The following CTNNA1 variants were observed in gnomAD, a reference collection of about 807,000 sequenced individuals.
CTNNA1 encodes the protein catenin alpha 1.
A neutral mutation model predicts 98.4 loss-of-function variants in CTNNA1; 37 were observed. The observed-to-expected ratio is 0.38, with a 90% CI of 0.29 to 0.49. The LOEUF (loss-of-function observed/expected upper bound fraction) is 0.49. Among genes scored for constraint, CTNNA1 ranks in the 20% least tolerant of loss-of-function variants. The probability of loss-of-function intolerance (pLI) is 0.95; values close to 1 mark genes in which losing one functional copy is unlikely to be tolerated. For missense variants in CTNNA1, 761 were observed against 1,147.2 expected (o/e 0.66, Z 4.86); for synonymous variants, 404 against 413.2 (o/e 0.98, Z 0.27).
chr5:138,868,804 A>C (rs1400195428), intron 7 of CTNNA1: 1 of 152,206 alleles, frequency 6.6e-6, no homozygotes, highest in Non-Finnish European at 1.5e-5. Flanking sequence ...TTGACATTGT[A>C]GAGGAACATG....
Position 138,824,584 on chromosome 5 carries a change from CAGA to C in CTNNA1, c.648_650del (p.Lys216del), listed in dbSNP as rs1397480575. The C allele has an allele frequency of 5.0e-6, 8 of 1,614,096 alleles. No homozygotes were observed. The Admixed American group carries it at 1.0e-4, about 20-fold the overall frequency. On this transcript the variant is annotated inframe_deletion, in exon 6 of 18. Transcript: ENST00000302763. ...GATGGCTGCAGCTAGAGGAATCCTG[CAGA>C]AGAACGTTCCGATCCTCTATACTGC...
chr5:138,802,650 C>T (rs973228343), intron 3 of CTNNA1, among the ~76,000 whole-genome samples: 4 of 152,120 alleles, frequency 2.6e-5, no homozygotes, highest in Admixed American at 6.5e-5. Flanking sequence ...TTTTACAGTC[C>T]TGTGCTACTG....
intron 13 of CTNNA1, among the ~76,000 whole-genome samples, chr5:138,927,244 C>A (rs1764264130): frequency 6.6e-6 from 1 of 152,240 alleles, no homozygotes; most frequent in Non-Finnish European, 1.5e-5. Flanking sequence ...AGCGTCTCCA[C>A]AGGCCGCCAC....
intron 7 of CTNNA1, chr5:138,872,103 T>C (rs1329921394): frequency 6.6e-6 from 1 of 151,712 alleles, no homozygotes; most frequent in Non-Finnish European, 1.5e-5. Context: ...TCAGGATTGT[T>C]AAATTGACTC....
chr5:138,782,312 G>A, intron 2 of CTNNA1: 1 of 509,234 alleles, frequency 2.0e-6, no homozygotes, highest in South Asian at 1.5e-5. Context: ...TCTTCAGAGG[G>A]GAAACCCAAG....
intron 10 of CTNNA1, among the ~76,000 whole-genome samples, chr5:138,906,384 T>C (rs1179201183): frequency 7.2e-5 from 11 of 152,260 alleles, no homozygotes; most frequent in African/African-American, 2.2e-4. Flanking sequence ...TCTTCAAGTT[T>C]GTTTGCCATT....
chr5:138,814,590 A>G (rs1208989827), intron 5 of CTNNA1, among the ~76,000 whole-genome samples: 2 of 152,212 alleles, frequency 1.3e-5, no homozygotes, highest in East Asian at 3.8e-4. Context: ...TGAAGTAAAT[A>G]TTAAGTTATA....
At chr5:138,784,425 A>T (rs1755454981) in intron 3 of CTNNA1, among the ~76,000 whole-genome samples, 1 of 152,144 alleles carries the variant, frequency 6.6e-6, no homozygotes, top group South Asian at 2.1e-4. Flanking sequence ...AGTACCCATA[A>T]ATGGGCAGTG....
Position 138,811,173 on chromosome 5 carries a change from A to G in CTNNA1, c.468+969A>G, listed in dbSNP as rs1388500190. Among the ~76,000 whole-genome samples the G allele has an allele frequency of 4.8e-5, 7 of 144,834 alleles. No individual in the cohort carries two copies. In the South Asian group the frequency reaches 1.1e-3, roughly 23 times the overall value. On this transcript the variant is annotated intron_variant, in intron 4 of 17. Transcript: ENST00000302763. ...TCACTTCTCAGATGGGGCGGTTGCC[A>G]GGCGGAGGGTCTCCTCACTTCTCAG... is the stretch of plus-strand genomic sequence containing the variant.
chr5:138,854,848 A>C (rs1763581507), intron 7 of CTNNA1, among the ~76,000 whole-genome samples: 1 of 152,206 alleles, frequency 6.6e-6, no homozygotes, highest in Admixed American at 6.5e-5. Context: ...CGGGACATAC[A>C]CTTTGAGTGA....
intron 1 of CTNNA1, among the ~76,000 whole-genome samples, chr5:138,768,318 G>C (rs1380497538): frequency 1.3e-5 from 2 of 152,066 alleles, no homozygotes; most frequent in East Asian, 3.8e-4. Context: ...AGAGTGCAGT[G>C]GTGCGATCTC....
intron 3 of CTNNA1, among the ~76,000 whole-genome samples, chr5:138,794,282 G>T (rs1392244182): frequency 6.6e-6 from 1 of 152,068 alleles, no homozygotes; most frequent in Admixed American, 6.5e-5. Context: ...CTCCCAAAGT[G>T]CTGGGATTAC....
At position 138,934,524 on chromosome 5, in the gene CTNNA1, C is replaced by G. The variant is rs894492671; in HGVS notation, c.*435C>G. The G allele has an allele frequency of 6.2e-6, 1 of 161,344 alleles. No homozygotes were observed. Among genetic ancestry groups the G allele is most frequent in the Non-Finnish European group, 1.3e-5 (1 of 74,144 alleles). The allele number at this position is 161,344 out of a possible 1,614,324, so 10.0% of individuals were successfully genotyped here. On this transcript the variant is annotated 3_prime_UTR_variant, in exon 18 of 18. Transcript: ENST00000302763. ...GACCTGTGGTAAGCAACCTGGGCAT[C>G]TTAGGAAGCAGTCCCTGGAGAAGGC...
At chr5:138,929,391 G>GAA in intron 14 of CTNNA1, 35 bp downstream of exon 14, 2 of 1,048,046 alleles carry the variant, frequency 1.9e-6, no homozygotes, top group Non-Finnish European at 3.0e-6. Context: ...TTCAGCTTGT[G>GAA]CTGCCGACTT....
At chr5:138,911,193 G>GC (rs1409636564) in intron 10 of CTNNA1, among the ~76,000 whole-genome samples, 1 of 152,110 alleles carries the variant, frequency 6.6e-6, no homozygotes. Flanking sequence ...CCATGATTGT[G>GC]CCCCTGCACT....
intron 6 of CTNNA1, among the ~76,000 whole-genome samples, chr5:138,825,853 T>C (rs1054493429): frequency 3.9e-5 from 6 of 152,260 alleles, no homozygotes; most frequent in Non-Finnish European, 7.4e-5. Context: ...CAAACTCTTA[T>C]GGTGCATGTT....
intron 13 of CTNNA1, 63 bp from the exon 14 acceptor site, chr5:138,929,183 A>G: frequency 1.1e-6 from 1 of 883,048 alleles, no homozygotes; most frequent in Non-Finnish European, 2.0e-6. Flanking sequence ...CAAGAGGCTC[A>G]GGGTGGCTGG....
At position 138,827,976 on chromosome 5, in the gene CTNNA1, A is replaced by G. The variant is rs551483442; in HGVS notation, c.1062+258A>G. The G allele has an allele frequency of 3.4e-5, 16 of 466,320 alleles. No homozygotes were observed. The South Asian group carries it at 3.5e-4, about 10-fold the overall frequency. 28.9% of individuals were successfully genotyped at this position (466,320 alleles called of 1,614,324 possible). A position where few individuals can be genotyped will look rare whatever the true frequency, so the allele number is the denominator to read the frequency against. On this transcript the variant is annotated intron_variant, in intron 7 of 17. Coordinates refer to ENST00000302763, the MANE Select transcript of CTNNA1 (RefSeq NM_001903.5). ...AATTTATCTGTATTCATCAATTAAC[A>G]TGTAGATACATGTGTAGGTGTGTGT... is the stretch of plus-strand genomic sequence containing the variant.
At chr5:138,928,850 T>C (rs1764686310) in intron 13 of CTNNA1, among the ~76,000 whole-genome samples, 1 of 151,896 alleles carries the variant, frequency 6.6e-6, no homozygotes, top group Non-Finnish European at 1.5e-5. Context: ...CAGGTGAATC[T>C]CTTGAACCCG....
Sources: allele counts gnomAD v4.1 joint callset (sites outside exome capture counted in the v4.1 genomes callset), GRCh38; gene constraint gnomAD v4.1.1; transcripts MANE v1.5; gene names NCBI Gene and HGNC (gene_info 2026-07-23, HGNC 2026-07-21).